The following UVRAG variants were observed in gnomAD, a reference collection of about 807,000 sequenced individuals.
UVRAG encodes UV radiation resistance associated, also known as UV radiation resistance-associated gene protein.
In UVRAG, 19 loss-of-function variants were observed where a neutral mutation model predicts 78.0. That is an observed-to-expected ratio of 0.24 (90% CI 0.17 to 0.36). The LOEUF (loss-of-function observed/expected upper bound fraction) is 0.36, where lower values mean the gene tolerates loss of function less well. UVRAG is among the 10% of genes least tolerant of loss of function. The pLI, the probability that UVRAG is intolerant of heterozygous loss-of-function variation, is 1.00. For missense variants in UVRAG, 740 were observed against 853.8 expected, an observed-to-expected ratio of 0.87 and a Z score of 1.66; for synonymous variants, 323 against 324.6, an observed-to-expected ratio of 1.00 and a Z score of 0.05.
chr11:75,920,140 C>T (rs150835142), intron 6 of UVRAG, among the ~76,000 whole-genome samples: 103 of 146,778 alleles, frequency 7.0e-4, no homozygotes, highest in African/African-American at 2.5e-3. Flanking sequence ...ATTCTTCTGC[C>T]TCAGCCTCCC....
intron 5 of UVRAG, among the ~76,000 whole-genome samples, chr11:75,903,984 C>G (rs1402347191): frequency 6.6e-6 from 1 of 152,180 alleles, no homozygotes; most frequent in Non-Finnish European, 1.5e-5. Flanking sequence ...CGTGACTCAT[C>G]CAATGAACTA....
At chr11:76,133,374 G>A (rs1412826579) in intron 14 of UVRAG, among the ~76,000 whole-genome samples, 3 of 152,094 alleles carry the variant, frequency 2.0e-5, no homozygotes, top group Non-Finnish European at 1.5e-5. Context: ...GTGGAAATGG[G>A]AATCACATTT....
chr11:76,131,773 T>G (rs992230426), intron 14 of UVRAG, among the ~76,000 whole-genome samples: 2 of 152,334 alleles, frequency 1.3e-5, no homozygotes, highest in Admixed American at 6.5e-5. Flanking sequence ...ATTGCTTGCC[T>G]GTGGCCTGGA....
At chr11:75,918,833 G>A (rs868083141) in intron 6 of UVRAG, among the ~76,000 whole-genome samples, 1 of 152,180 alleles carries the variant, frequency 6.6e-6, no homozygotes, top group South Asian at 2.1e-4. Context: ...GGTAAAATGA[G>A]AGTTGCAAAA....
chr11:76,019,336 T>C (rs1278724177), intron 12 of UVRAG, among the ~76,000 whole-genome samples: 1 of 152,246 alleles, frequency 6.6e-6, no homozygotes, highest in Non-Finnish European at 1.5e-5. Flanking sequence ...CCAGAATTGG[T>C]CCCTGATGCC....
At chr11:75,952,418 C>T (rs552878892) in intron 6 of UVRAG, among the ~76,000 whole-genome samples, 1 of 151,128 alleles carries the variant, frequency 6.6e-6, no homozygotes, top group Non-Finnish European at 1.5e-5. Flanking sequence ...ATTGAGGAAG[C>T]TCCCCTTTCC....
chr11:76,053,283 G>A (rs1950904199), intron 12 of UVRAG, among the ~76,000 whole-genome samples: 1 of 145,094 alleles, frequency 6.9e-6, no homozygotes, highest in African/African-American at 2.7e-5. Flanking sequence ...TCCAGCCTGG[G>A]CAACAGAGTG....
At chr11:75,907,027 C>A (rs888343801) in intron 5 of UVRAG, among the ~76,000 whole-genome samples, 1 of 152,210 alleles carries the variant, frequency 6.6e-6, no homozygotes, top group Non-Finnish European at 1.5e-5. Flanking sequence ...AATTTGAGAA[C>A]TGGCTTGTCC....
At position 75,911,689 on chromosome 11, in the gene UVRAG, G is replaced by C. The variant is rs1947743369; in HGVS notation, c.508-265G>C. ...GCTGGGCTGGCACTGTGGTGGGAGG[G>C]AAGGCCGCGGGACTCAGGGCTGGGC... On this transcript the variant is annotated intron_variant, in intron 5 of 14. Coordinates refer to ENST00000356136, the MANE Select transcript of UVRAG (RefSeq NM_003369.4). 4.3e-5 allele frequency: 12 copies of C among 276,476 alleles called. No homozygotes were observed. In the South Asian group the frequency reaches 7.2e-4, roughly 17 times the overall value. The allele number at this position is 276,476 out of a possible 1,614,324, so 17.1% of individuals were successfully genotyped here. A position where few individuals can be genotyped will look rare whatever the true frequency, so the allele number is the denominator to read the frequency against.
intron 12 of UVRAG, among the ~76,000 whole-genome samples, chr11:76,047,122 C>T (rs960108007): frequency 2.0e-5 from 3 of 152,176 alleles, no homozygotes; most frequent in Non-Finnish European, 4.4e-5. Context: ...GATTGTAAAA[C>T]AAAGCCTAAT....
intron 3 of UVRAG, among the ~76,000 whole-genome samples, chr11:75,864,075 T>C (rs769911619): frequency 2.6e-5 from 4 of 151,496 alleles, no homozygotes; most frequent in African/African-American, 7.3e-5. Context: ...TTTTTTTTTT[T>C]GAGACAGGGT....
chr11:75,871,775 T>C (rs967937655), intron 3 of UVRAG, among the ~76,000 whole-genome samples: 3 of 152,248 alleles, frequency 2.0e-5, no homozygotes, highest in Non-Finnish European at 4.4e-5. Flanking sequence ...CAAATAATTT[T>C]CCCAAGCATT....
At chr11:75,878,488 A>C (rs1946859911) in intron 3 of UVRAG, 1 of 185,208 alleles carries the variant, frequency 5.4e-6, no homozygotes, top group African/African-American at 2.4e-5. Flanking sequence ...CACTCTGGGC[A>C]CTTTGGGAGG....
chr11:75,821,119 T>G (rs1945376779), intron 1 of UVRAG, among the ~76,000 whole-genome samples: 1 of 152,192 alleles, frequency 6.6e-6, no homozygotes, highest in Non-Finnish European at 1.5e-5. Flanking sequence ...TCTGTTCTAC[T>G]TTCTGTCTCT....
Position 76,008,731 on chromosome 11 carries a change from C to T in UVRAG, c.1000-76C>T, listed in dbSNP as rs373178437. On this transcript the variant is annotated intron_variant, in intron 10 of 14. Transcript: ENST00000356136. ...TTAGAACAGTGTTTTGAGTCAGCAC[C>T]GACCTGCTGATCTGAGATTTAACTT... 115 of 805,416 alleles carry T rather than the reference C, an allele frequency of 1.4e-4. No individual in the cohort carries two copies. The East Asian group carries it at 2.0e-3, about 14-fold the overall frequency. 49.9% of individuals were successfully genotyped at this position (805,416 alleles called of 1,614,324 possible). A position where few individuals can be genotyped will look rare whatever the true frequency, so the allele number is the denominator to read the frequency against.
At chr11:75,918,346 C>T (rs1317210781) in intron 6 of UVRAG, among the ~76,000 whole-genome samples, 1 of 151,402 alleles carries the variant, frequency 6.6e-6, no homozygotes, top group East Asian at 1.9e-4. Flanking sequence ...CCGCTGCTCT[C>T]CAGTCTGAGC....
rs530283552 is a variant in UVRAG, at chr11:76,020,895, A to G, written c.1226+3915A>G. ...TTTTGCCAAAACTCAAGTTCTAACC[A>G]CTGGGATGGGCGATTCCCCTCTGAC... On this transcript the variant is annotated intron_variant, in intron 12 of 14. Transcript: ENST00000356136. Among the ~76,000 whole-genome samples, 650 of 152,138 alleles carry G rather than the reference A, an allele frequency of 4.3e-3. 3 individuals are homozygous for G. Among genetic ancestry groups the G allele is most frequent in the African/African-American group, 0.013 (551 of 41,514 alleles).
At chr11:75,937,785 T>G (rs1036746358) in intron 6 of UVRAG, among the ~76,000 whole-genome samples, 45 of 152,332 alleles carry the variant, frequency 3.0e-4, no homozygotes, top group African/African-American at 1.1e-3. Context: ...TTCATCACAT[T>G]TGGATATTTT....
In UVRAG at chr11:75,815,442, C is replaced by T. The variant is rs1294381789; in HGVS notation, c.35C>T (p.Pro12Leu). 4 of 1,247,804 alleles carry T rather than the reference C, an allele frequency of 3.2e-6. No homozygotes were observed. The African/African-American group carries it at 4.7e-5, about 15-fold the overall frequency. 77.3% of individuals were successfully genotyped at this position (1,247,804 alleles called of 1,614,324 possible). A position where few individuals can be genotyped will look rare whatever the true frequency, so the allele number is the denominator to read the frequency against. Reference protein sequence around the residue: ...SASASVGGPVPQPPPGPAAAL... With the variant: ...SASASVGGPVLQPPPGPAAAL... ...TCCGCGTCGGTCGGGGGCCCCGTCC[C>T]CCAGCCACCCCCGGGCCCGGCCGCT... The change falls in exon 1 of 15, where the codon CCC (proline) becomes CTC (leucine). Residue 12 changes from proline (P) to leucine (L), a missense_variant. By Grantham distance (98) the Pro-to-Leu change is moderately conservative (BLOSUM62 -3). Coordinates refer to ENST00000356136, the MANE Select transcript of UVRAG (RefSeq NM_003369.4).
Sources: allele counts gnomAD v4.1 joint callset (sites outside exome capture counted in the v4.1 genomes callset), GRCh38; gene constraint gnomAD v4.1.1; transcripts MANE v1.5; gene names NCBI Gene and HGNC (gene_info 2026-07-23, HGNC 2026-07-21).